Variants in ADCY2 observed in about 807,000 individuals in gnomAD.
The protein encoded by ADCY2 is adenylate cyclase type 2.
In ADCY2, 31 loss-of-function variants were observed where a neutral mutation model predicts 125.2. The observed-to-expected ratio is 0.25, with a 90% CI of 0.19 to 0.33. The LOEUF (loss-of-function observed/expected upper bound fraction) is 0.33. ADCY2 is among the 10% of genes least tolerant of loss of function. The pLI is 1.00. For missense variants in ADCY2, 904 were observed against 1,418.2 expected (o/e 0.64, Z 5.82); for synonymous variants, 512 against 548.4 (o/e 0.93, Z 0.93).
At chr5:7,420,063 C>T (rs375412170) in intron 2 of ADCY2, among the ~76,000 whole-genome samples, 1 of 152,258 alleles carries the variant, frequency 6.6e-6, no homozygotes, top group East Asian at 1.9e-4. Context: ...ATTGCACCCC[C>T]CGGGGACATG....
chr5:7,622,104 A>G (rs11744556), intron 3 of ADCY2, among the ~76,000 whole-genome samples: 420 of 152,356 alleles, frequency 2.8e-3, no homozygotes, highest in Non-Finnish European at 3.8e-3. Flanking sequence ...GATGTTATAA[A>G]ACAAACTCAA....
rs189788510 is a variant in ADCY2, at chr5:7,772,937, T to C, written c.2220T>C (p.Phe740=). ...GGTGTCCTTCCCTGTTTCAGTACTT[T>C]ATCTACAGCTGCATTCTGGGACTGA... ...RAQNLFFLPY[F]IYSCILGLIS... is the part of the protein sequence containing the mutation. Residue 740 remains phenylalanine (F), a synonymous_variant, in exon 18 of 25, where the codon TTT becomes TTC. Coordinates refer to ENST00000338316, the MANE Select transcript of ADCY2 (RefSeq NM_020546.3). The C allele has an allele frequency of 2.5e-5, 41 of 1,614,016 alleles. No homozygotes were observed. The highest frequency in any genetic ancestry group is 1.2e-5 in the Non-Finnish European group (14 of 1,179,932).
intron 2 of ADCY2, among the ~76,000 whole-genome samples, chr5:7,437,800 G>T (rs1391534843): frequency 6.6e-6 from 1 of 152,186 alleles, no homozygotes; most frequent in Non-Finnish European, 1.5e-5. Context: ...AGTATTTCTT[G>T]TGCAAAATTT....
chr5:7,621,811 G>A (rs962371441), intron 3 of ADCY2, among the ~76,000 whole-genome samples: 1 of 152,090 alleles, frequency 6.6e-6, no homozygotes, highest in Non-Finnish European at 1.5e-5. Flanking sequence ...ATCACCCCAC[G>A]TTTACATCAA....
intron 3 of ADCY2, among the ~76,000 whole-genome samples, chr5:7,531,686 C>A (rs983693803): frequency 3.3e-5 from 5 of 152,150 alleles, no homozygotes; most frequent in Non-Finnish European, 2.9e-5. Flanking sequence ...ACGTGTCCTT[C>A]TTCTCTTTGT....
At chr5:7,701,890 CATT>C (rs1741089220) in intron 7 of ADCY2, among the ~76,000 whole-genome samples, 1 of 152,106 alleles carries the variant, frequency 6.6e-6, no homozygotes, top group Non-Finnish European at 1.5e-5. Flanking sequence ...ATTTTTTGAT[CATT>C]GATGCATCAG....
chr5:7,544,770 A>G (rs1735099537), intron 3 of ADCY2, among the ~76,000 whole-genome samples: 1 of 152,168 alleles, frequency 6.6e-6, no homozygotes, highest in Admixed American at 6.5e-5. Context: ...AAAATAAAGG[A>G]AAAGAGTGGG....
intron 4 of ADCY2, among the ~76,000 whole-genome samples, chr5:7,630,477 T>C (rs1278447496): frequency 6.6e-6 from 1 of 152,222 alleles, no homozygotes; most frequent in Non-Finnish European, 1.5e-5. Flanking sequence ...GTACTTTATG[T>C]GTACTGTTGT....
chr5:7,724,275 G>T (rs528083711), intron 12 of ADCY2, among the ~76,000 whole-genome samples: 2 of 152,142 alleles, frequency 1.3e-5, no homozygotes, highest in Middle Eastern at 6.8e-3. Context: ...CAGATCCCTT[G>T]AGTTTCAATT....
intron 7 of ADCY2, among the ~76,000 whole-genome samples, chr5:7,702,543 A>G (rs934858443): frequency 2.2e-4 from 34 of 152,074 alleles, no homozygotes; most frequent in African/African-American, 5.1e-4. Context: ...CCATGTCCCT[A>G]CAAAGGACAT....
intron 12 of ADCY2, among the ~76,000 whole-genome samples, chr5:7,721,495 T>C (rs1052512450): frequency 2.0e-5 from 3 of 152,228 alleles, no homozygotes; most frequent in African/African-American, 7.2e-5. Context: ...TGAATGGTAT[T>C]GCCTAGGTTT....
chr5:7,637,427 G>T (rs1168949432), intron 4 of ADCY2, among the ~76,000 whole-genome samples: 1 of 114,576 alleles, frequency 8.7e-6, no homozygotes, highest in Admixed American at 1.0e-4. Context: ...GTGAGACTCC[G>T]TCTCAAAAAA....
intron 18 of ADCY2, among the ~76,000 whole-genome samples, chr5:7,775,718 T>G (rs1743700773): frequency 6.6e-6 from 1 of 152,202 alleles, no homozygotes; most frequent in Admixed American, 6.5e-5. Context: ...TACAATTAAG[T>G]TATTATTGAT....
intron 2 of ADCY2, among the ~76,000 whole-genome samples, chr5:7,472,862 T>G (rs1343741756): frequency 6.6e-6 from 1 of 152,168 alleles, no homozygotes; most frequent in Non-Finnish European, 1.5e-5. Flanking sequence ...ACTCTCAGCT[T>G]TAGGCTTCTC....
At chr5:7,623,308 T>C (rs963675438) in intron 3 of ADCY2, among the ~76,000 whole-genome samples, 1 of 152,204 alleles carries the variant, frequency 6.6e-6, no homozygotes, top group African/African-American at 2.4e-5. Context: ...CAGCCACACC[T>C]AATAAGGAAG....
At chr5:7,704,755 G>A (rs892448061) in intron 7 of ADCY2, among the ~76,000 whole-genome samples, 4 of 151,996 alleles carry the variant, frequency 2.6e-5, no homozygotes, top group Admixed American at 6.6e-5. Flanking sequence ...GCGTGCGCCT[G>A]TAATCCCAGC....
At position 7,712,848 on chromosome 5, in the gene ADCY2, C is replaced by T; in HGVS notation, c.1579-8C>T. The T allele has an allele frequency of 6.3e-7, 1 of 1,595,106 alleles. No homozygotes were observed. The highest frequency in any genetic ancestry group is 1.1e-5 in the South Asian group (1 of 89,618). ...TTTGACAATTAATAACCTTTTTTCT[C>T]AATATAGGATGTACCCATGGGTCAG... On this transcript the variant is annotated splice_polypyrimidine_tract_variant and splice_region_variant and intron_variant, in intron 10 of 24. Transcript: ENST00000338316.
chr5:7,436,104 A>G (rs1048485091), intron 2 of ADCY2, among the ~76,000 whole-genome samples: 1 of 152,222 alleles, frequency 6.6e-6, no homozygotes, highest in African/African-American at 2.4e-5. Context: ...TTCAATGATA[A>G]TTAATTAACA....
chr5:7,812,798 T>G (rs1421669808), intron 22 of ADCY2, among the ~76,000 whole-genome samples: 1 of 152,156 alleles, frequency 6.6e-6, no homozygotes, highest in Non-Finnish European at 1.5e-5. Context: ...TAGTCCCAGT[T>G]ACTCGGGAGG....
Sources: gnomAD v4.1 joint callset for allele counts (sites outside exome capture counted in the v4.1 genomes callset) on GRCh38, gnomAD v4.1.1 for gene constraint, MANE v1.5 for transcripts, NCBI Gene and HGNC (gene_info 2026-07-23, HGNC 2026-07-21) for gene names.